Variants in SBF2 observed in about 807,000 individuals in gnomAD.
The protein encoded by SBF2 is SET binding factor 2.
In SBF2, 112 loss-of-function variants were observed where a neutral mutation model predicts 225.2. The ratio of observed to expected loss-of-function variants is 0.50; its 90% CI spans 0.43 to 0.58. The LOEUF (loss-of-function observed/expected upper bound fraction) is 0.58, where lower values mean the gene tolerates loss of function less well. Among genes scored for constraint, SBF2 ranks in the 20% least tolerant of loss-of-function variants. The probability of loss-of-function intolerance (pLI) is 0.00; values close to 1 mark genes in which losing one functional copy is unlikely to be tolerated. For missense variants in SBF2, 1,996 were observed against 2,206.2 expected, an observed-to-expected ratio of 0.90 and a Z score of 1.91; for synonymous variants, 763 against 773.3, an observed-to-expected ratio of 0.99 and a Z score of 0.22.
chr11:9,796,095 G>A, intron 32 of SBF2, 138 bp from the exon 33 acceptor site: 1 of 856,800 alleles, frequency 1.2e-6, no homozygotes, highest in South Asian at 1.5e-5. Flanking sequence ...CCTACCATAA[G>A]TAGAGATGGG....
At chr11:10,057,423 C>A (rs1024849785) in intron 2 of SBF2, among the ~76,000 whole-genome samples, 4 of 152,196 alleles carry the variant, frequency 2.6e-5, no homozygotes, top group Non-Finnish European at 4.4e-5. Flanking sequence ...TGGCAGCTGA[C>A]CCAAGGAGAG....
At chr11:10,052,004 C>A (rs1046473151) in intron 2 of SBF2, among the ~76,000 whole-genome samples, 1 of 151,974 alleles carries the variant, frequency 6.6e-6, no homozygotes, top group Non-Finnish European at 1.5e-5. Context: ...ATTCTTGAAC[C>A]TGGGTTTAAG....
intron 1 of SBF2, among the ~76,000 whole-genome samples, chr11:10,238,518 C>T (rs954815833): frequency 7.3e-6 from 1 of 136,370 alleles, no homozygotes; most frequent in African/African-American, 2.5e-5. Flanking sequence ...TTGAAAAAAG[C>T]TTGAATTCCA....
At chr11:10,279,021 C>T (rs1267324989) in intron 1 of SBF2, among the ~76,000 whole-genome samples, 1 of 146,530 alleles carries the variant, frequency 6.8e-6, no homozygotes, top group Non-Finnish European at 1.5e-5. Flanking sequence ...ATGGCTGAGG[C>T]CATGAGTTTG....
intron 2 of SBF2, among the ~76,000 whole-genome samples, chr11:10,129,680 G>A (rs754143269): frequency 6.6e-6 from 1 of 151,830 alleles, no homozygotes; most frequent in Non-Finnish European, 1.5e-5. Flanking sequence ...AAATTATCTT[G>A]TGAATATTAA....
Position 9,934,013 on chromosome 11 carries a change from C to T in SBF2, c.1860+27944G>A, listed in dbSNP as rs1467774264. 3.9e-5 allele frequency among the ~76,000 whole-genome samples: 6 copies of T among 151,906 alleles called. No individual in the cohort carries two copies. The East Asian group carries it at 7.7e-4, about 20-fold the overall frequency. ...AGGAGAATGGCATGAACCTGGGAGG[C>T]GGAGCTTGCAGTGAGCTGAGATTGT... On this transcript the variant is annotated intron_variant, in intron 16 of 39. Coordinates refer to ENST00000256190, the MANE Select transcript of SBF2 (RefSeq NM_030962.4).
chr11:10,295,951 T>C (rs1964521784), upstream of SBF2, among the ~76,000 whole-genome samples: 1 of 152,218 alleles, frequency 6.6e-6, no homozygotes, highest in South Asian at 2.1e-4. Flanking sequence ...ATTAAGTACA[T>C]TCCCAATGCT....
chr11:9,969,532 T>C (rs796484238), intron 13 of SBF2, among the ~76,000 whole-genome samples: 6 of 152,346 alleles, frequency 3.9e-5, no homozygotes, highest in African/African-American at 1.4e-4. Flanking sequence ...TTTTCTGCTC[T>C]AGACACACAG....
chr11:9,831,216 C>G (rs908366536), intron 27 of SBF2, among the ~76,000 whole-genome samples: 1 of 152,142 alleles, frequency 6.6e-6, no homozygotes, highest in African/African-American at 2.4e-5. Flanking sequence ...CCAGGCTGGT[C>G]TTGAACTCCT....
chr11:9,941,735 C>T (rs1238759277), intron 16 of SBF2, among the ~76,000 whole-genome samples: 1 of 152,028 alleles, frequency 6.6e-6, no homozygotes, highest in African/African-American at 2.4e-5. Flanking sequence ...AAGAAAGGCA[C>T]TTACTGTCAC....
chr11:9,913,516 C>T (rs1270522085), intron 16 of SBF2, among the ~76,000 whole-genome samples: 1 of 152,066 alleles, frequency 6.6e-6, no homozygotes, highest in Non-Finnish European at 1.5e-5. Flanking sequence ...TAAAGTTGAA[C>T]ATATGCATAT....
At chr11:10,233,107 C>T (rs964580133) in intron 1 of SBF2, among the ~76,000 whole-genome samples, 1 of 152,180 alleles carries the variant, frequency 6.6e-6, no homozygotes, top group Middle Eastern at 3.2e-3. Context: ...TAGCCACATA[C>T]GAAGACCTAT....
intron 20 of SBF2, 37 bp from the exon 21 acceptor site, chr11:9,852,786 A>G: frequency 6.9e-7 from 1 of 1,447,042 alleles, no homozygotes; most frequent in Non-Finnish European, 9.7e-7. Flanking sequence ...GAAAGAACAC[A>G]GACAAGCAGG....
intron 2 of SBF2, among the ~76,000 whole-genome samples, chr11:10,093,965 C>T (rs1317861854): frequency 6.6e-6 from 1 of 152,136 alleles, no homozygotes; most frequent in Non-Finnish European, 1.5e-5. Flanking sequence ...TTAAAAAATA[C>T]AAACAAGGAT....
intron 2 of SBF2, among the ~76,000 whole-genome samples, chr11:10,096,258 A>C (rs544013305): frequency 2.6e-5 from 4 of 152,298 alleles, no homozygotes; most frequent in South Asian, 2.1e-4. Flanking sequence ...TTTACAAACA[A>C]AGATTTAAAA....
At chr11:10,221,792 G>A (rs1454896432) in intron 1 of SBF2, among the ~76,000 whole-genome samples, 1 of 152,168 alleles carries the variant, frequency 6.6e-6, no homozygotes, top group Non-Finnish European at 1.5e-5. Context: ...GAAGAGTATG[G>A]TATTAGGTGA....
At position 9,778,795 on chromosome 11, in the gene SBF2, G is replaced by GAAAT. The variant is rs1296375607; in HGVS notation, c.*1619_*1622dup. 1 of 152,586 alleles carries GAAAT rather than the reference G, an allele frequency of 6.6e-6. No homozygotes were observed. Among genetic ancestry groups the GAAAT allele is most frequent in the African/African-American group, 2.4e-5 (1 of 41,430 alleles). 9.5% of individuals were successfully genotyped at this position (152,586 alleles called of 1,614,324 possible). A position where few individuals can be genotyped will look rare whatever the true frequency, so the allele number is the denominator to read the frequency against. The stretch of plus-strand genomic sequence containing the variant: ...GTAAATGAGGGATGCTTTTTCTTAA[G>GAAAT]AAATAAATTTAATTCAAGGTGGTTA... On this transcript the variant is annotated 3_prime_UTR_variant, in exon 40 of 40. Coordinates refer to ENST00000256190, the MANE Select transcript of SBF2 (RefSeq NM_030962.4).
chr11:10,285,359 G>T (rs1963685188), intron 1 of SBF2, among the ~76,000 whole-genome samples: 1 of 150,328 alleles, frequency 6.7e-6, no homozygotes, highest in South Asian at 2.1e-4. Flanking sequence ...GAGAGGGGAG[G>T]AAAAAGGGAG....
At position 9,961,984 on chromosome 11, in the gene SBF2, T is replaced by G; in HGVS notation, c.1833A>C (p.Ile611=). The part of the protein sequence containing the change: ...AILDHQQFDY[I]IRMMNCTLQD... ...GTAGAGTACAATTCATCATCCTTAT[T>G]ATGTAGTCAAACTGTTGATGGTCTA... The change falls in exon 16 of 40, where the codon ATA becomes ATC. Residue 611 remains isoleucine (I), a synonymous_variant. Transcript: ENST00000256190. 6.2e-7 allele frequency: 1 copy of G among 1,613,948 alleles called. No individual in the cohort carries two copies. The highest frequency in any genetic ancestry group is 1.1e-5 in the South Asian group (1 of 91,074).
Sources: allele counts gnomAD v4.1 joint callset (sites outside exome capture counted in the v4.1 genomes callset), GRCh38; gene constraint gnomAD v4.1.1; transcripts MANE v1.5; gene names NCBI Gene and HGNC (gene_info 2026-07-23, HGNC 2026-07-21).